The following DENND2B variants were observed in gnomAD, a reference collection of about 807,000 sequenced individuals.
The protein encoded by DENND2B is DENN domain-containing protein 2B.
A neutral mutation model predicts 116.0 loss-of-function variants in DENND2B; 32 were observed. That is an observed-to-expected ratio of 0.28 (90% CI 0.21 to 0.37). The LOEUF (loss-of-function observed/expected upper bound fraction) is 0.37, where lower values mean the gene tolerates loss of function less well. DENND2B is among the 10% of genes least tolerant of loss of function. The pLI is 1.00. For missense variants in DENND2B, 1,276 were observed against 1,477.7 expected (o/e 0.86, Z 2.24); for synonymous variants, 588 against 583.9 (o/e 1.01, Z -0.10).
chr11:8,898,633 T>C (rs1365187098), intron 1 of DENND2B, among the ~76,000 whole-genome samples: 1 of 152,204 alleles, frequency 6.6e-6, no homozygotes, highest in Non-Finnish European at 1.5e-5. Context: ...CTACTGCTTG[T>C]TTTTTAAATA....
chr11:8,760,370 C>A (rs2054385903), intron 1 of DENND2B, among the ~76,000 whole-genome samples: 2 of 152,158 alleles, frequency 1.3e-5, no homozygotes, highest in Non-Finnish European at 2.9e-5. Context: ...GTAATCCCAG[C>A]ACTTTGGGAG....
chr11:8,887,703 T>C (rs1312534077), intron 1 of DENND2B, among the ~76,000 whole-genome samples: 1 of 152,160 alleles, frequency 6.6e-6, no homozygotes, highest in Non-Finnish European at 1.5e-5. Flanking sequence ...TTATGCCCAG[T>C]CTTGCCTGGT....
chr11:8,719,452 C>A (rs2045744833), intron 4 of DENND2B, among the ~76,000 whole-genome samples: 1 of 152,152 alleles, frequency 6.6e-6, no homozygotes, highest in South Asian at 2.1e-4. Context: ...TTAAGTGATT[C>A]CCAACTCCAA....
intron 1 of DENND2B, among the ~76,000 whole-genome samples, chr11:8,790,569 G>C (rs934948763): frequency 6.6e-6 from 1 of 152,074 alleles, no homozygotes; most frequent in Non-Finnish European, 1.5e-5. Context: ...AAGAGTTCGA[G>C]ACCAACCTCG....
chr11:8,819,694 A>G (rs1435780169), intron 4 of DENND2B, among the ~76,000 whole-genome samples: 2 of 152,242 alleles, frequency 1.3e-5, no homozygotes, highest in Non-Finnish European at 2.9e-5. Context: ...GATATTCTAC[A>G]AAATACCTGA....
chr11:8,697,618 A>C lies in DENND2B; in HGVS notation c.2959T>G (p.Leu987Val), dbSNP rs746171418. Residue 987 changes from leucine (L) to valine (V), a missense_variant, in exon 17 of 20, where the codon TTG becomes GTG. By Grantham distance (32) the Leu-to-Val change is conservative. Around this residue, in one of 2 missense-constraint regions of DENND2B, gnomAD observed 420 missense variants for 631.1 expected, o/e 0.67. Transcript: ENST00000313726. ...FIRQMDDEDTLLPRKLQAALE... is the reference protein window; with the variant it reads ...FIRQMDDEDTVLPRKLQAALE... ...GCTGCCTGTAACTTCCTAGGTAACA[A>C]CGTGTCTTCGTCGTCCATCTGCAGG... is the stretch of plus-strand genomic sequence containing the variant. 1.9e-6 allele frequency: 3 copies of C among 1,614,100 alleles called. No individual in the cohort carries two copies. Among genetic ancestry groups the C allele is most frequent in the Non-Finnish European group, 2.5e-6 (3 of 1,179,912 alleles).
chr11:8,875,664 A>C (rs1314084587), upstream of DENND2B, among the ~76,000 whole-genome samples: 1 of 152,048 alleles, frequency 6.6e-6, no homozygotes, highest in Non-Finnish European at 1.5e-5. Context: ...CCTGGCTTCA[A>C]GTGATCCTCC....
intron 8 of DENND2B, 101 bp downstream of exon 8, chr11:8,713,897 G>A: frequency 7.6e-7 from 1 of 1,308,964 alleles, no homozygotes; most frequent in Non-Finnish European, 1.1e-6. Flanking sequence ...TCCACATCAG[G>A]CCGGTTAGGG....
At chr11:8,867,797 G>A (rs60771192) in intron 2 of DENND2B, among the ~76,000 whole-genome samples, 9,873 of 151,760 alleles carry the variant, frequency 0.065, 588 homozygotes, top group African/African-American at 0.16. Flanking sequence ...TGCCCAGGCT[G>A]GTCTCCAACT....
chr11:8,737,857 C>T (rs2049370698), intron 2 of DENND2B, among the ~76,000 whole-genome samples: 1 of 152,094 alleles, frequency 6.6e-6, no homozygotes, highest in South Asian at 2.1e-4. Flanking sequence ...AAGCCATCTT[C>T]CCACCTTAGC....
intron 1 of DENND2B, chr11:8,776,608 T>G (rs2057761398): frequency 9.5e-6 from 2 of 209,786 alleles, no homozygotes; most frequent in Admixed American, 1.0e-4. Context: ...GAAACCCAGC[T>G]AGATGGGGTC....
chr11:8,721,240 G>A lies in DENND2B; in HGVS notation c.1478-3348C>T, dbSNP rs112268505. Among the ~76,000 whole-genome samples, 356 of 151,664 alleles carry A rather than the reference G, an allele frequency of 2.3e-3. 2 individuals carry two copies. The highest frequency in any genetic ancestry group is 7.5e-3 in the African/African-American group (310 of 41,302). Reference sequence around the variant, plus strand: ...CTTAAAGGAAGAATCCAGCCCCTCTGGGCCCTGCTCCCACTCCTCCCCACA... The same window carrying A: ...CTTAAAGGAAGAATCCAGCCCCTCTAGGCCCTGCTCCCACTCCTCCCCACA... On this transcript the variant is annotated intron_variant, in intron 4 of 19. Coordinates refer to ENST00000313726, the MANE Select transcript of DENND2B (RefSeq NM_213618.2).
intron 4 of DENND2B, among the ~76,000 whole-genome samples, chr11:8,817,688 C>T (rs77978783): frequency 0.021 from 3,215 of 152,240 alleles, 92 homozygotes; most frequent in East Asian, 0.1. Context: ...CCTAGTTCAC[C>T]TCCGCTCAGC....
At chr11:8,764,015 G>C (rs1290612475) in intron 1 of DENND2B, among the ~76,000 whole-genome samples, 1 of 152,036 alleles carries the variant, frequency 6.6e-6, no homozygotes, top group East Asian at 1.9e-4. Flanking sequence ...CTTGAGGTCA[G>C]GAGTTTGAGA....
chr11:8,713,767 A>C (rs1360565099), intron 8 of DENND2B, among the ~76,000 whole-genome samples: 1 of 152,166 alleles, frequency 6.6e-6, no homozygotes, highest in Non-Finnish European at 1.5e-5. Context: ...CCACCCTTAC[A>C]TTTGGCAAAG....
intron 1 of DENND2B, among the ~76,000 whole-genome samples, chr11:8,793,963 TGTTA>T (rs2134352110): frequency 6.6e-6 from 1 of 152,240 alleles, no homozygotes; most frequent in African/African-American, 2.4e-5. Context: ...GGCTCAAGGA[TGTTA>T]GTTTAAATAT....
At chr11:8,824,874 T>C (rs2134559427) in intron 4 of DENND2B, among the ~76,000 whole-genome samples, 1 of 148,284 alleles carries the variant, frequency 6.7e-6, no homozygotes, top group African/African-American at 2.5e-5. Flanking sequence ...TTTTTTTGTA[T>C]TTTTAGTAGA....
intron 15 of DENND2B, 30 bp downstream of exon 15, chr11:8,699,183 T>TC (rs775197393): frequency 2.1e-5 from 32 of 1,535,196 alleles, no homozygotes; most frequent in Non-Finnish European, 2.5e-5. Flanking sequence ...CCTCCACCCT[T>TC]CCCCCCAGCT....
intron 11 of DENND2B, chr11:8,708,156 T>A: frequency 7.6e-7 from 1 of 1,318,334 alleles, no homozygotes; most frequent in African/African-American, 1.5e-5. Context: ...GCAAAGCAGT[T>A]TGGCAGAGGC....
Sources: allele counts gnomAD v4.1 joint callset (sites outside exome capture counted in the v4.1 genomes callset), GRCh38; gene constraint gnomAD v4.1.1; regional missense constraint gnomAD v4.1.1; transcripts MANE v1.5; gene names NCBI Gene and HGNC (gene_info 2026-07-23, HGNC 2026-07-21).